Variants in GPC6 observed in about 807,000 individuals in gnomAD.
The protein encoded by GPC6 is glypican-6.
GPC6 carries 14 observed loss-of-function variants against 55.2 expected under a neutral mutation model. The observed-to-expected ratio is 0.25, with a 90% CI of 0.17 to 0.40. The LOEUF (loss-of-function observed/expected upper bound fraction) is 0.40. Among genes scored for constraint, GPC6 ranks in the 10% least tolerant of loss-of-function variants. GPC6 has a pLI of 1.00. For missense variants in GPC6, 641 were observed against 708.5 expected, an observed-to-expected ratio of 0.90 and a Z score of 1.08; for synonymous variants, 278 against 259.6, an observed-to-expected ratio of 1.07 and a Z score of -0.68.
At chr13:94,151,004 G>C (rs1390770202) in intron 4 of GPC6, among the ~76,000 whole-genome samples, 1 of 151,706 alleles carries the variant, frequency 6.6e-6, no homozygotes, top group Non-Finnish European at 1.5e-5. Context: ...AAAGCTCTGA[G>C]CATTTTGAAA....
intron 1 of GPC6, among the ~76,000 whole-genome samples, chr13:93,247,588 G>C (rs2139023720): frequency 6.6e-6 from 1 of 152,240 alleles, no homozygotes; most frequent in Non-Finnish European, 1.5e-5. Context: ...CAAGCATTAT[G>C]TTAAAAGCTT....
chr13:94,018,864 G>A (rs1038445327), intron 3 of GPC6, among the ~76,000 whole-genome samples: 1 of 152,190 alleles, frequency 6.6e-6, no homozygotes, highest in Non-Finnish European at 1.5e-5. Context: ...AAGGGATCTA[G>A]GTTGCATGCT....
intron 2 of GPC6, among the ~76,000 whole-genome samples, chr13:93,626,909 G>A (rs556962855): frequency 6.6e-6 from 1 of 152,162 alleles, no homozygotes; most frequent in South Asian, 2.1e-4. Flanking sequence ...GGAGGCCTCA[G>A]GAAACTTACA....
At chr13:93,717,034 A>G (rs1260175280) in intron 2 of GPC6, among the ~76,000 whole-genome samples, 1 of 151,572 alleles carries the variant, frequency 6.6e-6, no homozygotes, top group Non-Finnish European at 1.5e-5. Flanking sequence ...GGTGTGTAGT[A>G]GGCTACACCA....
intron 2 of GPC6, among the ~76,000 whole-genome samples, chr13:93,681,411 A>C (rs1279563181): frequency 6.6e-6 from 1 of 152,168 alleles, no homozygotes; most frequent in Non-Finnish European, 1.5e-5. Flanking sequence ...ATTGTATAAC[A>C]TGGGATTTGG....
chr13:93,253,624 C>T (rs552960005), intron 1 of GPC6, among the ~76,000 whole-genome samples: 7 of 152,122 alleles, frequency 4.6e-5, no homozygotes, highest in South Asian at 2.1e-4. Flanking sequence ...GAAGAAAAAC[C>T]GAGTGCTCTG....
intron 2 of GPC6, among the ~76,000 whole-genome samples, chr13:93,755,841 T>C (rs1884748957): frequency 6.6e-6 from 1 of 152,168 alleles, no homozygotes; most frequent in South Asian, 2.1e-4. Flanking sequence ...CATTGTATGT[T>C]ATACATTCAA....
intron 3 of GPC6, among the ~76,000 whole-genome samples, chr13:93,877,333 A>G (rs1874649558): frequency 6.6e-6 from 1 of 152,046 alleles, no homozygotes; most frequent in South Asian, 2.1e-4. Context: ...TACCTAGAAC[A>G]TAGGTTGTTA....
At position 94,165,186 on chromosome 13, in the gene GPC6, T is replaced by A. The variant is rs557198302; in HGVS notation, c.878-121163T>A. Among the ~76,000 whole-genome samples, 6 of 148,682 alleles carry A rather than the reference T, an allele frequency of 4.0e-5. No individual in the cohort carries two copies. The Admixed American group carries it at 4.1e-4, about 10-fold the overall frequency. ...CAACGAGTGGATAAAGAAATTGTGA[T>A]ATATGTATGTGTGTGTGTGTGTATA... On this transcript the variant is annotated intron_variant, in intron 4 of 8. Transcript: ENST00000377047.
At chr13:93,346,277 G>A (rs994485168) in intron 1 of GPC6, among the ~76,000 whole-genome samples, 1 of 152,128 alleles carries the variant, frequency 6.6e-6, no homozygotes. Flanking sequence ...GAGTGATTAG[G>A]CAAGTAGTGC....
chr13:93,546,555 T>C (rs1381225016), intron 2 of GPC6, among the ~76,000 whole-genome samples: 1 of 152,220 alleles, frequency 6.6e-6, no homozygotes, highest in Non-Finnish European at 1.5e-5. Flanking sequence ...TCACATTCTG[T>C]CTTTGGCTCT....
intron 2 of GPC6, among the ~76,000 whole-genome samples, chr13:93,800,334 C>G (rs187059354): frequency 6.6e-6 from 1 of 152,134 alleles, no homozygotes; most frequent in Non-Finnish European, 1.5e-5. Flanking sequence ...ATGGGCAAAG[C>G]TGAATATAGA....
At chr13:93,375,798 G>T (rs878875037) in intron 1 of GPC6, among the ~76,000 whole-genome samples, 6 of 152,262 alleles carry the variant, frequency 3.9e-5, no homozygotes, top group African/African-American at 9.6e-5. Context: ...TCCCTGCAAT[G>T]GATTGCAGAA....
chr13:93,393,121 T>TAGAGAGAG (rs1166243094), intron 1 of GPC6, among the ~76,000 whole-genome samples: 1 of 79,900 alleles, frequency 1.3e-5, no homozygotes, highest in African/African-American at 3.7e-5. Context: ...TATATATATA[T>TAGAGAGAG]ATATATAGAG....
At chr13:93,691,490 T>TC (rs397755494) in intron 2 of GPC6, among the ~76,000 whole-genome samples, 4 of 150,436 alleles carry the variant, frequency 2.7e-5, no homozygotes, top group Non-Finnish European at 5.9e-5. Flanking sequence ...TTTTTTTTTT[T>TC]CTCTTATCAC....
intron 2 of GPC6, among the ~76,000 whole-genome samples, chr13:93,680,982 A>G (rs1028968): frequency 5.8e-4 from 89 of 152,286 alleles, no homozygotes; most frequent in South Asian, 4.4e-3. Flanking sequence ...TCAAGAATAC[A>G]GGTAAGAAAT....
intron 4 of GPC6, among the ~76,000 whole-genome samples, chr13:94,266,455 A>C (rs954231108): frequency 1.8e-4 from 27 of 152,164 alleles, no homozygotes; most frequent in African/African-American, 5.8e-4. Flanking sequence ...GGCGTGAGCC[A>C]CCGCGTCCAG....
At chr13:93,367,549 C>T (rs967050003) in intron 1 of GPC6, among the ~76,000 whole-genome samples, 2 of 151,968 alleles carry the variant, frequency 1.3e-5, no homozygotes, top group Non-Finnish European at 2.9e-5. Flanking sequence ...TGATTTGAGA[C>T]TTTCCCTTTT....
intron 2 of GPC6, among the ~76,000 whole-genome samples, chr13:93,616,716 G>T: frequency 6.6e-6 from 1 of 152,122 alleles, no homozygotes; most frequent in South Asian, 2.1e-4. Context: ...TTAAAATAAT[G>T]TTTTATGAAT....
Sources: allele counts gnomAD v4.1 joint callset (sites outside exome capture counted in the v4.1 genomes callset), GRCh38; gene constraint gnomAD v4.1.1; transcripts MANE v1.5; gene names NCBI Gene and HGNC (gene_info 2026-07-23, HGNC 2026-07-21).